The following GPM6A variants were observed in gnomAD, a reference collection of about 807,000 sequenced individuals.
GPM6A encodes the protein neuronal membrane glycoprotein M6-a.
Under a neutral mutation model 32.1 loss-of-function variants are expected in GPM6A, and 7 were observed. The observed-to-expected ratio is 0.22, with a 90% CI of 0.12 to 0.41. The LOEUF (loss-of-function observed/expected upper bound fraction) is 0.41. GPM6A is among the 10% of genes least tolerant of loss of function. GPM6A has a pLI of 1.00. For synonymous variants in GPM6A, 130 were observed against 123.4 expected, an observed-to-expected ratio of 1.05 and a Z score of -0.35; for missense variants, 235 against 347.2, an observed-to-expected ratio of 0.68 and a Z score of 2.57.
In GPM6A at chr4:175,701,771, T is replaced by C. The variant is rs368394410; in HGVS notation, c.38-4A>G. ...TTGATACAGCATTCAAAACACCCTG[T>C]AGAAGATCACAAAGGGAGAAATTCA... is the stretch of plus-strand genomic sequence containing the variant. On this transcript the variant is annotated splice_polypyrimidine_tract_variant and splice_region_variant and intron_variant, in intron 1 of 6. Coordinates refer to ENST00000393658, the MANE Select transcript of GPM6A (RefSeq NM_201591.3). 5.7e-6 allele frequency: 9 copies of C among 1,583,728 alleles called. No individual in the cohort carries two copies.
At chr4:175,636,744 TGAG>T (rs976272148) in intron 6 of GPM6A, among the ~76,000 whole-genome samples, 3 of 150,168 alleles carry the variant, frequency 2.0e-5, no homozygotes, top group African/African-American at 7.3e-5. Flanking sequence ...TTCAGTGAGC[TGAG>T]ATCATGATAC....
chr4:175,724,644 A>T (rs1370382306), intron 1 of GPM6A, among the ~76,000 whole-genome samples: 1 of 152,156 alleles, frequency 6.6e-6, no homozygotes, highest in East Asian at 1.9e-4. Flanking sequence ...GAAAAAATGA[A>T]CTGTGCATTA....
chr4:175,829,223 G>T (rs1033450846), intron 1 of GPM6A, among the ~76,000 whole-genome samples: 3 of 152,092 alleles, frequency 2.0e-5, no homozygotes, highest in Admixed American at 1.3e-4. Context: ...TGAGCCACTG[G>T]GCCTGGCCAA....
intron 2 of GPM6A, among the ~76,000 whole-genome samples, chr4:175,682,554 C>CA (rs1482846736): frequency 1.3e-5 from 2 of 152,170 alleles, no homozygotes; most frequent in Non-Finnish European, 1.5e-5. Context: ...CCTCTCCCAT[C>CA]ACAGGCCCAG....
chr4:175,927,704 G>A (rs757548915), intron 1 of GPM6A, among the ~76,000 whole-genome samples: 2 of 152,164 alleles, frequency 1.3e-5, no homozygotes, highest in Non-Finnish European at 2.9e-5. Context: ...GGACAACATG[G>A]TGAAACACCA....
At chr4:175,881,569 C>G (rs994430031) in intron 1 of GPM6A, among the ~76,000 whole-genome samples, 1 of 152,152 alleles carries the variant, frequency 6.6e-6, no homozygotes, top group African/African-American at 2.4e-5. Flanking sequence ...GCACTACTCA[C>G]AATAGCAAAG....
At chr4:175,942,502 G>A (rs1010944727) in intron 1 of GPM6A, among the ~76,000 whole-genome samples, 1 of 152,068 alleles carries the variant, frequency 6.6e-6, no homozygotes, top group Non-Finnish European at 1.5e-5. Flanking sequence ...GAGTTCTTGA[G>A]GTTTTAGGTC....
intron 1 of GPM6A, among the ~76,000 whole-genome samples, chr4:175,764,669 A>G (rs1732887374): frequency 6.6e-6 from 1 of 152,098 alleles, no homozygotes; most frequent in South Asian, 2.1e-4. Context: ...CTGTTTCAAA[A>G]ACATAATAAA....
chr4:175,842,613 G>T (rs568411623), intron 1 of GPM6A, among the ~76,000 whole-genome samples: 2 of 152,072 alleles, frequency 1.3e-5, no homozygotes, highest in African/African-American at 2.4e-5. Flanking sequence ...CACCCTGAAG[G>T]CTGAGCCTAG....
intron 2 of GPM6A, among the ~76,000 whole-genome samples, chr4:175,700,589 C>A (rs918899946): frequency 6.6e-6 from 1 of 152,112 alleles, no homozygotes; most frequent in Non-Finnish European, 1.5e-5. Context: ...CTAAAAGCAT[C>A]ATATTAGTTA....
chr4:175,972,726 A>G (rs1008357013), intron 1 of GPM6A, among the ~76,000 whole-genome samples: 24 of 152,138 alleles, frequency 1.6e-4, no homozygotes, highest in Admixed American at 1.3e-3. Context: ...CCTCTGCTTG[A>G]TGCATGCTTT....
chr4:175,766,259 T>C (rs1052234064), intron 1 of GPM6A, among the ~76,000 whole-genome samples: 4 of 152,216 alleles, frequency 2.6e-5, no homozygotes, highest in African/African-American at 9.6e-5. Flanking sequence ...TTAGGACTAG[T>C]AATTAAATCA....
chr4:175,695,118 A>G (rs940140396), intron 2 of GPM6A, among the ~76,000 whole-genome samples: 1 of 151,526 alleles, frequency 6.6e-6, no homozygotes, highest in Non-Finnish European at 1.5e-5. Flanking sequence ...ATTTCAGAAG[A>G]TATGCAGAAA....
chr4:175,749,102 C>T (rs910467240), intron 1 of GPM6A, among the ~76,000 whole-genome samples: 6 of 152,072 alleles, frequency 3.9e-5, no homozygotes, highest in African/African-American at 1.4e-4. Context: ...AGTGAGAACA[C>T]ATACAACTTT....
intron 1 of GPM6A, among the ~76,000 whole-genome samples, chr4:175,941,999 A>G (rs1579648331): frequency 6.6e-6 from 1 of 152,190 alleles, no homozygotes; most frequent in Non-Finnish European, 1.5e-5. Context: ...CCCAACAACA[A>G]TGTAAAAGTG....
intron 1 of GPM6A, among the ~76,000 whole-genome samples, chr4:175,711,460 A>G (rs1303133728): frequency 2.7e-4 from 5 of 18,826 alleles, no homozygotes; most frequent in Non-Finnish European, 1.3e-3. Flanking sequence ...ATATATATAC[A>G]CACACATACA....
chr4:175,887,146 G>T (rs548989233), intron 1 of GPM6A, among the ~76,000 whole-genome samples: 1 of 151,932 alleles, frequency 6.6e-6, no homozygotes, highest in South Asian at 2.1e-4. Context: ...ATCAAATACA[G>T]TATACATAAA....
chr4:175,777,430 G>A (rs902461469), intron 1 of GPM6A, among the ~76,000 whole-genome samples: 1 of 151,826 alleles, frequency 6.6e-6, no homozygotes, highest in African/African-American at 2.4e-5. Context: ...TCAACAAATG[G>A]TAGAATATTT....
chr4:175,689,807 T>C (rs141506096), intron 2 of GPM6A, among the ~76,000 whole-genome samples: 135 of 151,862 alleles, frequency 8.9e-4, no homozygotes, highest in African/African-American at 3.2e-3. Context: ...ACTGAGATGT[T>C]CTCAGAAGCC....
Sources: allele counts gnomAD v4.1 joint callset (sites outside exome capture counted in the v4.1 genomes callset), GRCh38; gene constraint gnomAD v4.1.1; transcripts MANE v1.5; gene names NCBI Gene and HGNC (gene_info 2026-07-23, HGNC 2026-07-21).